Variants in COL4A4 observed in about 807,000 individuals in gnomAD.
The protein encoded by COL4A4 is collagen alpha-4(IV) chain.
Under a neutral mutation model 192.9 loss-of-function variants are expected in COL4A4, and 105 were observed. The observed-to-expected ratio is 0.54, with a 90% CI of 0.46 to 0.64. The LOEUF is 0.64. Ranked by LOEUF, COL4A4 falls within the 30% of genes least tolerant of loss-of-function variation. COL4A4 has a pLI of 0.00. For synonymous variants in COL4A4, 762 were observed against 769.9 expected (o/e 0.99, Z 0.17); for missense variants, 1,967 against 2,169.3 (o/e 0.91, Z 1.85).
intron 34 of COL4A4, among the ~76,000 whole-genome samples, chr2:227,048,278 CCT>C (rs1445632504): frequency 3.3e-5 from 5 of 152,146 alleles, no homozygotes; most frequent in Non-Finnish European, 7.3e-5. Context: ...TCCACCAGCA[CCT>C]TGTGGAAGTC....
At chr2:227,150,821 G>A (rs969955238) in intron 1 of COL4A4, among the ~76,000 whole-genome samples, 13 of 151,996 alleles carry the variant, frequency 8.6e-5, no homozygotes, top group African/African-American at 3.1e-4. Flanking sequence ...ATCTCCACCT[G>A]GTCCCACCCT....
chr2:227,013,561 G>C (rs1964265622), intron 44 of COL4A4, among the ~76,000 whole-genome samples: 1 of 152,216 alleles, frequency 6.6e-6, no homozygotes, highest in Non-Finnish European at 1.5e-5. Context: ...TGAGGACACA[G>C]GAAGATGGTG....
At chr2:227,141,570 C>T (rs1242540674) in intron 3 of COL4A4, among the ~76,000 whole-genome samples, 1 of 152,014 alleles carries the variant, frequency 6.6e-6, no homozygotes, top group Non-Finnish European at 1.5e-5. Flanking sequence ...GAAAAATATG[C>T]TCAGACACAA....
At chr2:226,977,706 A>G in the COL4A4 span, among the ~76,000 whole-genome samples, 1 of 152,250 alleles carries the variant, frequency 6.6e-6, no homozygotes, top group African/African-American at 2.4e-5. Flanking sequence ...AGCAGCCCCT[A>G]TATCAGGCTG....
the COL4A4 span, among the ~76,000 whole-genome samples, chr2:226,989,241 T>C: frequency 1.3e-5 from 2 of 152,198 alleles, no homozygotes; most frequent in Non-Finnish European, 2.9e-5. Context: ...AAACCACTTA[T>C]AACAATGTGG....
At chr2:227,099,743 G>T in intron 17 of COL4A4, 54 bp from the exon 18 acceptor site, 2 of 1,486,008 alleles carry the variant, frequency 1.3e-6, no homozygotes, top group Non-Finnish European at 1.9e-6. Context: ...TACTCATGTT[G>T]CCTGGCATTA....
chr2:227,060,101 G>GAAAACA, intron 27 of COL4A4, 35 bp downstream of exon 27: 1 of 503,760 alleles, frequency 2.0e-6, no homozygotes, highest in Non-Finnish European at 3.1e-6. Context: ...TCCCAAAGCA[G>GAAAACA]AAAAAAAAAA....
intron 2 of COL4A4, among the ~76,000 whole-genome samples, chr2:227,145,237 C>T (rs2063472300): frequency 6.6e-6 from 1 of 152,108 alleles, no homozygotes; most frequent in South Asian, 2.1e-4. Flanking sequence ...CACCTGAAGT[C>T]AGGAGTTTAA....
In COL4A4 at chr2:227,136,740, AACTACTACCT is replaced by A. The variant is rs374066478; in HGVS notation, c.192+3411_192+3420del. 2.5e-3 allele frequency among the ~76,000 whole-genome samples: 379 copies of A among 152,268 alleles called. 1 individual carries two copies. The highest frequency in any genetic ancestry group is 8.7e-3 in the African/African-American group (362 of 41,536). ...GCAGTTTTGATGTGGGGTTTGATGA[AACTACTACCT>A]ACTACTACCTACTGCTACTACGGGC... On this transcript the variant is annotated intron_variant, in intron 4 of 47. Transcript: ENST00000396625.
At chr2:226,978,894 G>C in the COL4A4 span, among the ~76,000 whole-genome samples, 1 of 152,204 alleles carries the variant, frequency 6.6e-6, no homozygotes, top group Non-Finnish European at 1.5e-5. Context: ...ACTGTGTGGA[G>C]AATGGCTGGT....
chr2:227,067,194 C>T (rs1157946146), intron 25 of COL4A4, among the ~76,000 whole-genome samples: 7 of 152,070 alleles, frequency 4.6e-5, no homozygotes, highest in African/African-American at 1.7e-4. Flanking sequence ...GCACCCAATA[C>T]AGGAGCACCC....
At chr2:227,037,278 C>G (rs1316863156) in intron 37 of COL4A4, among the ~76,000 whole-genome samples, 2 of 152,156 alleles carry the variant, frequency 1.3e-5, no homozygotes, top group Non-Finnish European at 2.9e-5. Context: ...ATATTCCTCT[C>G]CCTATGTCCA....
Position 227,080,517 on chromosome 2 carries a change from G to A in COL4A4, c.1729C>T (p.Pro577Ser). 1 of 1,614,096 alleles carries A rather than the reference G, an allele frequency of 6.2e-7. No individual in the cohort carries two copies. The highest frequency in any genetic ancestry group is 1.1e-5 in the South Asian group (1 of 91,074). Residue 577 changes from proline to serine, a missense_variant, in exon 24 of 48, where the codon CCA becomes TCA. Pro to Ser is a moderately conservative substitution (Grantham distance 74, BLOSUM62 -1). Transcript: ENST00000396625. The part of the protein sequence containing the change: ...HKGERGPDGP[P>S]GFPGQPGSHG... Reference sequence around the variant, plus strand: ...GATCCTGGCTGCCCTGGAAATCCTGGGGGCCCATCAGGACCTCTTTCTCCT... The same window carrying A: ...GATCCTGGCTGCCCTGGAAATCCTGAGGGCCCATCAGGACCTCTTTCTCCT...
At chr2:226,993,399 G>A in the COL4A4 span, among the ~76,000 whole-genome samples, 3 of 152,138 alleles carry the variant, frequency 2.0e-5, no homozygotes, top group African/African-American at 7.2e-5. Context: ...TCAAGTCCTG[G>A]CCTGCACTCA....
chr2:227,002,586 G>C (rs141786597), downstream of COL4A4: 210 of 152,374 alleles, frequency 1.4e-3, no homozygotes, highest in Non-Finnish European at 1.9e-3. Context: ...ATCCTTTCCA[G>C]CCTACACTCT....
chr2:227,074,618 A>G (rs1209052809), intron 25 of COL4A4, among the ~76,000 whole-genome samples: 2 of 152,212 alleles, frequency 1.3e-5, no homozygotes, highest in African/African-American at 4.8e-5. Flanking sequence ...TTATAGCAGC[A>G]CAATTCACAA....
chr2:227,026,387 A>G (rs1453499600), intron 42 of COL4A4, among the ~76,000 whole-genome samples: 2 of 151,258 alleles, frequency 1.3e-5, no homozygotes, highest in Non-Finnish European at 2.9e-5. Flanking sequence ...AGTCCCAGCT[A>G]CTCCGGAGGC....
At chr2:227,155,489 T>A (rs1207884141) in intron 1 of COL4A4, among the ~76,000 whole-genome samples, 1 of 152,210 alleles carries the variant, frequency 6.6e-6, no homozygotes, top group African/African-American at 2.4e-5. Context: ...ACATCTTGAT[T>A]CAGAGTATTG....
chr2:227,000,709 TC>T (rs1171266862), downstream of COL4A4, among the ~76,000 whole-genome samples: 1 of 151,870 alleles, frequency 6.6e-6, no homozygotes, highest in Non-Finnish European at 1.5e-5. Flanking sequence ...TTCTAGGGGC[TC>T]CAGAGGTAAT....
Sources: allele counts gnomAD v4.1 joint callset (sites outside exome capture counted in the v4.1 genomes callset), GRCh38; gene constraint gnomAD v4.1.1; transcripts MANE v1.5; gene names NCBI Gene and HGNC (gene_info 2026-07-23, HGNC 2026-07-21).